Variants in IGF2BP2 observed in about 807,000 individuals in gnomAD.
IGF2BP2 encodes insulin-like growth factor 2 mRNA-binding protein 2.
IGF2BP2 carries 17 observed loss-of-function variants against 75.8 expected under a neutral mutation model. The ratio of observed to expected loss-of-function variants is 0.22; its 90% CI spans 0.15 to 0.34. The LOEUF is 0.34. Ranked by LOEUF, IGF2BP2 falls within the 10% of genes least tolerant of loss-of-function variation. The pLI is 1.00. For synonymous variants in IGF2BP2, 288 were observed against 295.6 expected (o/e 0.97, Z 0.26); for missense variants, 516 against 772.4 (o/e 0.67, Z 3.93).
intron 10 of IGF2BP2, among the ~76,000 whole-genome samples, chr3:185,666,202 A>G (rs1717598920): frequency 6.6e-6 from 1 of 152,234 alleles, no homozygotes; most frequent in East Asian, 1.9e-4. Context: ...CCAGACAAAC[A>G]ACAACAAAAA....
At chr3:185,783,159 A>G (rs1735421888) in intron 2 of IGF2BP2, among the ~76,000 whole-genome samples, 1 of 152,220 alleles carries the variant, frequency 6.6e-6, no homozygotes, top group South Asian at 2.1e-4. Context: ...GAGACACACA[A>G]GATACTTGCA....
chr3:185,803,166 C>T (rs746323115), intron 2 of IGF2BP2, among the ~76,000 whole-genome samples: 4 of 152,152 alleles, frequency 2.6e-5, no homozygotes, highest in Non-Finnish European at 5.9e-5. Context: ...GCCTAGCTAA[C>T]ATGGTGAAAC....
chr3:185,785,451 C>T (rs1296183671), intron 2 of IGF2BP2, among the ~76,000 whole-genome samples: 1 of 151,648 alleles, frequency 6.6e-6, no homozygotes, highest in African/African-American at 2.4e-5. Flanking sequence ...GTCTAATAGG[C>T]AAGAAGCATC....
At chr3:185,806,866 A>G (rs1739099550) in intron 2 of IGF2BP2, among the ~76,000 whole-genome samples, 1 of 152,234 alleles carries the variant, frequency 6.6e-6, no homozygotes, top group Non-Finnish European at 1.5e-5. Context: ...TTGTAGTTTT[A>G]GCAGGGGAGA....
intron 2 of IGF2BP2, chr3:185,820,975 T>C (rs1741301616): frequency 6.5e-7 from 1 of 1,531,354 alleles, no homozygotes; most frequent in African/African-American, 1.4e-5. Context: ...ATAGTCTCCA[T>C]ATAACATAAA....
chr3:185,824,769 C>T lies in IGF2BP2; in HGVS notation c.178+14G>A, dbSNP rs756279741. 36 of 1,328,598 alleles carry T rather than the reference C, an allele frequency of 2.7e-5. No homozygotes were observed. The East Asian group carries it at 8.5e-4, about 31-fold the overall frequency. 82.3% of individuals were successfully genotyped at this position (1,328,598 alleles called of 1,614,324 possible). A position where few individuals can be genotyped will look rare whatever the true frequency, so the allele number is the denominator to read the frequency against. ...GGGGCGAGGCGGGGGGAGGGGGCCG[C>T]GCTGAGTGCTCACCCGAGAGGGTCT... is the stretch of plus-strand genomic sequence containing the variant. On this transcript the variant is annotated intron_variant, in intron 1 of 15. Transcript: ENST00000382199.
Position 185,818,259 on chromosome 3 carries a change from G to A in IGF2BP2, c.239+4894C>T, listed in dbSNP as rs569813279. ...TTATAACATCATCAAAGCCTTCACAGAATCTTTTGTGACAGGGGATAGCCA... is the reference window on the plus strand; with the variant it reads ...TTATAACATCATCAAAGCCTTCACAAAATCTTTTGTGACAGGGGATAGCCA... On this transcript the variant is annotated intron_variant, in intron 2 of 15. Coordinates refer to ENST00000382199, the MANE Select transcript of IGF2BP2 (RefSeq NM_006548.6). 5.3e-5 allele frequency among the ~76,000 whole-genome samples: 8 copies of A among 152,206 alleles called. No individual in the cohort carries two copies. In the South Asian group the frequency reaches 6.2e-4, roughly 12 times the overall value.
chr3:185,649,676 C>T, intron 13 of IGF2BP2, 142 bp from the exon 14 acceptor site: 2 of 1,165,750 alleles, frequency 1.7e-6, no homozygotes, highest in Non-Finnish European at 2.4e-6. Flanking sequence ...AGCTGCGTGC[C>T]CCAGCCTCCG....
intron 9 of IGF2BP2, 159 bp downstream of exon 9, chr3:185,675,134 TATC>T: frequency 1.6e-6 from 1 of 606,542 alleles, no homozygotes; most frequent in East Asian, 3.1e-5. Flanking sequence ...CCAGCGCACT[TATC>T]ATAATTTACT....
intron 10 of IGF2BP2, among the ~76,000 whole-genome samples, chr3:185,671,330 G>C (rs1282282739): frequency 6.6e-6 from 1 of 152,098 alleles, no homozygotes; most frequent in East Asian, 1.9e-4. Context: ...GGCAGATCAC[G>C]AGGTCAGGAG....
At chr3:185,727,884 A>G (rs1193728456) in intron 2 of IGF2BP2, among the ~76,000 whole-genome samples, 4 of 152,166 alleles carry the variant, frequency 2.6e-5, no homozygotes, top group Admixed American at 6.5e-5. Flanking sequence ...CAGCTAGTCT[A>G]TGATGGAGCC....
intron 2 of IGF2BP2, among the ~76,000 whole-genome samples, chr3:185,750,247 C>G (rs907290119): frequency 2.6e-5 from 4 of 152,158 alleles, no homozygotes; most frequent in African/African-American, 9.7e-5. Context: ...ACATCCCCTC[C>G]AAGGCACTGG....
At position 185,689,463 on chromosome 3, in the gene IGF2BP2, C is replaced by T; in HGVS notation, c.569G>A (p.Arg190Lys). ...GATCCGCAGCGGGAAATCAATCTGT[C>T]TGGCCTGAGAAGTGCCCCCAGGGGC... ...GHAPGGTSQA[R>K]QIDFPLRILV... Residue 190 changes from arginine to lysine, a missense_variant, in exon 6 of 16, where the codon AGA becomes AAA. Coordinates refer to ENST00000382199, the MANE Select transcript of IGF2BP2 (RefSeq NM_006548.6). 6.2e-7 allele frequency: 1 copy of T among 1,613,698 alleles called. No homozygotes were observed. The highest frequency in any genetic ancestry group is 8.5e-7 in the Non-Finnish European group (1 of 1,179,784).
intron 2 of IGF2BP2, among the ~76,000 whole-genome samples, chr3:185,750,233 G>C (rs533292584): frequency 3.3e-4 from 50 of 152,220 alleles, no homozygotes; most frequent in African/African-American, 1.1e-3. Flanking sequence ...CCTTTCTGTG[G>C]GGAACATCCC....
rs554731126 is a variant in IGF2BP2, at chr3:185,797,069, C to G, written c.239+26084G>C. Among the ~76,000 whole-genome samples the G allele has an allele frequency of 5.3e-5, 8 of 152,268 alleles. No individual in the cohort carries two copies. In the South Asian group the frequency reaches 1.7e-3, roughly 32 times the overall value. On this transcript the variant is annotated intron_variant, in intron 2 of 15. Coordinates refer to ENST00000382199, the MANE Select transcript of IGF2BP2 (RefSeq NM_006548.6). Reference sequence around the variant, plus strand: ...CCTGTTTCTCCCCACTTCCCCAGAACTATTTCTGCTTAGGTATCTACCAAA... The same window carrying G: ...CCTGTTTCTCCCCACTTCCCCAGAAGTATTTCTGCTTAGGTATCTACCAAA...
chr3:185,797,822 G>C (rs11716713), intron 2 of IGF2BP2, among the ~76,000 whole-genome samples: 56,815 of 148,478 alleles, frequency 0.38, 11,505 homozygotes, highest in African/African-American at 0.56. Context: ...GGAGAACCAC[G>C]TGAGCCTGGC....
At chr3:185,801,210 C>T (rs1157010961) in intron 2 of IGF2BP2, among the ~76,000 whole-genome samples, 1 of 152,186 alleles carries the variant, frequency 6.6e-6, no homozygotes, top group East Asian at 1.9e-4. Context: ...CAGGAAACAG[C>T]TGGGCACGGT....
At chr3:185,681,488 T>C (rs574302736) in intron 7 of IGF2BP2, among the ~76,000 whole-genome samples, 4 of 152,266 alleles carry the variant, frequency 2.6e-5, no homozygotes, top group African/African-American at 7.2e-5. Context: ...ATACTTAATA[T>C]TGTGAAGATG....
At position 185,645,740 on chromosome 3, in the gene IGF2BP2, A is replaced by T. The variant is rs1713404240; in HGVS notation, c.1708-117T>A. 1 of 731,210 alleles carries T rather than the reference A, an allele frequency of 1.4e-6. No individual in the cohort carries two copies. The allele number at this position is 731,210 out of a possible 1,614,324, so 45.3% of individuals were successfully genotyped here. The stretch of plus-strand genomic sequence containing the variant: ...GGATGAAGGGTGGAATGCTCAGACA[A>T]GCATCATCTACCCACCCCCGCACGT... On this transcript the variant is annotated intron_variant, in intron 15 of 15. Coordinates refer to ENST00000382199, the MANE Select transcript of IGF2BP2 (RefSeq NM_006548.6). This position sits in a 1 kb window ranked among gnomAD's most constrained non-coding sequence, Gnocchi z 4.9.
Sources: allele counts gnomAD v4.1 joint callset (sites outside exome capture counted in the v4.1 genomes callset), GRCh38; gene constraint gnomAD v4.1.1; non-coding constraint Gnocchi (gnomAD v3.1); transcripts MANE v1.5; gene names NCBI Gene and HGNC (gene_info 2026-07-23, HGNC 2026-07-21).